Variants in PKNOX2 observed in about 807,000 individuals in gnomAD.
PKNOX2 encodes the protein homeobox protein PKNOX2.
Under a neutral mutation model 53.1 loss-of-function variants are expected in PKNOX2, and 14 were observed. That is an observed-to-expected ratio of 0.26 (90% CI 0.17 to 0.41). PKNOX2 has a LOEUF of 0.41. Ranked by LOEUF, PKNOX2 falls within the 10% of genes least tolerant of loss-of-function variation. The pLI, the probability that PKNOX2 is intolerant of heterozygous loss-of-function variation, is 1.00. For missense variants in PKNOX2, 496 were observed against 602.8 expected, an observed-to-expected ratio of 0.82 and a Z score of 1.85; for synonymous variants, 257 against 242.8, an observed-to-expected ratio of 1.06 and a Z score of -0.54.
At chr11:125,345,687 C>T (rs1041505534) in intron 3 of PKNOX2, among the ~76,000 whole-genome samples, 2 of 152,166 alleles carry the variant, frequency 1.3e-5, no homozygotes, top group African/African-American at 4.8e-5. Context: ...TAGCCAACTC[C>T]GTTCTACCAG....
intron 3 of PKNOX2, among the ~76,000 whole-genome samples, chr11:125,341,971 C>G (rs369086212): frequency 6.6e-6 from 1 of 152,192 alleles, no homozygotes; most frequent in Admixed American, 6.5e-5. Flanking sequence ...GGCTGGGCAG[C>G]CTTTCCTCCT....
rs1630030 is a variant in PKNOX2, at chr11:125,431,691, T to C, written c.*299T>C. 343,992 of 411,280 alleles carry C rather than the reference T, an allele frequency of 0.84. 144,806 individuals carry two copies. Among genetic ancestry groups the C allele is most frequent in the East Asian group, 1 (22,741 of 22,764 alleles). The allele number at this position is 411,280 out of a possible 1,614,324, so 25.5% of individuals were successfully genotyped here. On this transcript the variant is annotated 3_prime_UTR_variant, in exon 13 of 13. Coordinates refer to ENST00000298282, the MANE Select transcript of PKNOX2 (RefSeq NM_001382323.2). Reference sequence around the variant, plus strand: ...TCTGGACTCACCAAATCCCTGAGGATAGATGGCACCCATGGCCCCCACCCA... The same window carrying C: ...TCTGGACTCACCAAATCCCTGAGGACAGATGGCACCCATGGCCCCCACCCA...
At chr11:125,226,274 A>G (rs145800651) in intron 1 of PKNOX2, among the ~76,000 whole-genome samples, 5 of 152,314 alleles carry the variant, frequency 3.3e-5, no homozygotes, top group African/African-American at 1.2e-4. Context: ...ATGTGAACCC[A>G]GTGAGTATCT....
At chr11:125,179,355 G>C (rs1175402489) in intron 1 of PKNOX2, among the ~76,000 whole-genome samples, 1 of 152,166 alleles carries the variant, frequency 6.6e-6, no homozygotes, top group East Asian at 1.9e-4. Context: ...GCCTAACACT[G>C]TGGGAGCATT....
chr11:125,394,588 T>A (rs1954271764), intron 6 of PKNOX2, among the ~76,000 whole-genome samples: 1 of 152,162 alleles, frequency 6.6e-6, no homozygotes, highest in African/African-American at 2.4e-5. Flanking sequence ...AATGCTGGCT[T>A]CAAGCCACAC....
intron 3 of PKNOX2, among the ~76,000 whole-genome samples, chr11:125,341,357 C>T (rs555817207): frequency 6.9e-6 from 1 of 144,984 alleles, no homozygotes; most frequent in South Asian, 2.2e-4. Flanking sequence ...AAGATTCCGT[C>T]TCAAAAAAAA....
At chr11:125,241,590 C>T (rs1308287653) in intron 2 of PKNOX2, among the ~76,000 whole-genome samples, 1 of 152,238 alleles carries the variant, frequency 6.6e-6, no homozygotes, top group Non-Finnish European at 1.5e-5. Context: ...GGCGCGGTGG[C>T]TCACGCCTGT....
chr11:125,237,608 C>G (rs1942816402), intron 2 of PKNOX2, among the ~76,000 whole-genome samples: 1 of 152,152 alleles, frequency 6.6e-6, no homozygotes, highest in Non-Finnish European at 1.5e-5. Flanking sequence ...TAAAGAACCC[C>G]CTGCCTTAGA....
chr11:125,358,212 C>A (rs1227979574), intron 4 of PKNOX2, among the ~76,000 whole-genome samples: 1 of 152,180 alleles, frequency 6.6e-6, no homozygotes, highest in Non-Finnish European at 1.5e-5. Flanking sequence ...ACATAATAGG[C>A]ATGTCAAATA....
chr11:125,186,633 C>G (rs909074957), intron 1 of PKNOX2, among the ~76,000 whole-genome samples: 2 of 152,138 alleles, frequency 1.3e-5, no homozygotes, highest in Admixed American at 6.5e-5. Flanking sequence ...GCCTGAGTGG[C>G]AGAAAGAGAC....
chr11:125,222,671 TGTATGTGTGTGC>T (rs1159879671), intron 1 of PKNOX2, among the ~76,000 whole-genome samples: 7 of 139,804 alleles, frequency 5.0e-5, no homozygotes, highest in South Asian at 2.2e-4. Flanking sequence ...TATGTGTGTG[TGTATGTGTGTGC>T]GTATGTGTGT....
At chr11:125,254,298 G>C (rs1198096027) in intron 2 of PKNOX2, among the ~76,000 whole-genome samples, 4 of 152,216 alleles carry the variant, frequency 2.6e-5, no homozygotes, top group African/African-American at 4.8e-5. Flanking sequence ...CCATTTGCCA[G>C]GGCTGCAAAG....
chr11:125,366,685 C>A (rs942840266), intron 4 of PKNOX2, among the ~76,000 whole-genome samples: 1 of 152,210 alleles, frequency 6.6e-6, no homozygotes, highest in Non-Finnish European at 1.5e-5. Context: ...TGAAGACATG[C>A]AAATGTCTTG....
intron 2 of PKNOX2, among the ~76,000 whole-genome samples, chr11:125,320,323 A>C (rs1424450533): frequency 3.9e-5 from 6 of 152,210 alleles, no homozygotes; most frequent in Non-Finnish European, 1.5e-5. Context: ...TTTGATCATT[A>C]TAGACCCAGG....
At chr11:125,309,213 T>TTC (rs1424925053) in intron 2 of PKNOX2, among the ~76,000 whole-genome samples, 5,005 of 148,238 alleles carry the variant, frequency 0.034, 321 homozygotes, top group African/African-American at 0.12. Flanking sequence ...TTCCTTCCTT[T>TTC]CTCTCTCTCT....
At chr11:125,236,386 C>T (rs1180051347) in intron 2 of PKNOX2, among the ~76,000 whole-genome samples, 6 of 26,282 alleles carry the variant, frequency 2.3e-4, no homozygotes, top group African/African-American at 4.1e-4. Flanking sequence ...GGAGGTGGGG[C>T]GGGGGGTGGG....
chr11:125,410,001 G>GTT (rs199866535), intron 7 of PKNOX2, 195 bp from the exon 8 acceptor site: 3 of 699,828 alleles, frequency 4.3e-6, no homozygotes, highest in Non-Finnish European at 6.7e-6. Context: ...TTTTGTTTTT[G>GTT]TTTTTTTTAA....
intron 7 of PKNOX2, among the ~76,000 whole-genome samples, chr11:125,402,677 A>G (rs962351748): frequency 6.6e-6 from 1 of 152,136 alleles, no homozygotes; most frequent in African/African-American, 2.4e-5. Flanking sequence ...GCTCAGGGTC[A>G]AGAGTACAGA....
chr11:125,256,280 C>A (rs756761596), intron 2 of PKNOX2, among the ~76,000 whole-genome samples: 1 of 152,084 alleles, frequency 6.6e-6, no homozygotes, highest in Non-Finnish European at 1.5e-5. Flanking sequence ...AAGCCAGGAG[C>A]CTGCCTAGGA....
Sources: allele counts gnomAD v4.1 joint callset (sites outside exome capture counted in the v4.1 genomes callset), GRCh38; gene constraint gnomAD v4.1.1; transcripts MANE v1.5; gene names NCBI Gene and HGNC (gene_info 2026-07-23, HGNC 2026-07-21).